Variants in SCTR observed in about 807,000 individuals in gnomAD.
SCTR encodes the protein pancreatic secretin receptor.
In SCTR, 56 loss-of-function variants were observed where a neutral mutation model predicts 60.8. The ratio of observed to expected loss-of-function variants is 0.92; its 90% CI spans 0.74 to 1.15. The LOEUF is 1.15. Ranked by LOEUF, SCTR falls within the 50% of genes most tolerant of loss-of-function variation. The pLI, the probability that SCTR is intolerant of heterozygous loss-of-function variation, is 0.00. For missense variants in SCTR, 562 were observed against 550.4 expected (o/e 1.02, Z -0.21); for synonymous variants, 202 against 217.0 (o/e 0.93, Z 0.61).
intron 2 of SCTR, among the ~76,000 whole-genome samples, chr2:119,489,740 C>T (rs1422271737): frequency 6.6e-6 from 1 of 152,134 alleles, no homozygotes; most frequent in East Asian, 1.9e-4. Flanking sequence ...AAGAAATGGA[C>T]AGGCAGGAAA....
intron 7 of SCTR, among the ~76,000 whole-genome samples, chr2:119,459,178 G>T (rs571038917): frequency 6.6e-6 from 1 of 152,248 alleles, no homozygotes; most frequent in Non-Finnish European, 1.5e-5. Flanking sequence ...CCAAACAATA[G>T]GTATGTGGTT....
intron 1 of SCTR, among the ~76,000 whole-genome samples, chr2:119,514,312 G>T (rs1484582922): frequency 1.3e-5 from 2 of 152,200 alleles, no homozygotes. Flanking sequence ...GAGACAATCT[G>T]CCTTCCTTGG....
intron 7 of SCTR, 147 bp from the exon 8 acceptor site, chr2:119,453,494 G>T: frequency 1.5e-6 from 1 of 673,498 alleles, no homozygotes; most frequent in Non-Finnish European, 2.7e-6. Flanking sequence ...GCCATCTTGT[G>T]CCATCTTGTG....
At chr2:119,491,448 T>C (rs1318905156) in intron 2 of SCTR, among the ~76,000 whole-genome samples, 1 of 152,222 alleles carries the variant, frequency 6.6e-6, no homozygotes, top group African/African-American at 2.4e-5. Context: ...GATTAGACAC[T>C]CAGGCAGACC....
At position 119,506,217 on chromosome 2, in the gene SCTR, C is replaced by A. The variant is rs527854319; in HGVS notation, c.73-11669G>T. On this transcript the variant is annotated intron_variant, in intron 1 of 12. Coordinates refer to ENST00000019103, the MANE Select transcript of SCTR (RefSeq NM_002980.3). Reference sequence around the variant, plus strand: ...AAAACCTGTTCATAAATATTTATAGCAGCTTTATTCATAAAAGCCCCCAAA... The same window carrying A: ...AAAACCTGTTCATAAATATTTATAGAAGCTTTATTCATAAAAGCCCCCAAA... Among the ~76,000 whole-genome samples, 3 of 152,260 alleles carry A rather than the reference C, an allele frequency of 2.0e-5. No homozygotes were observed. The South Asian group carries it at 6.2e-4, about 32-fold the overall frequency.
At chr2:119,520,680 G>A (rs1338918590) in intron 1 of SCTR, among the ~76,000 whole-genome samples, 2 of 152,166 alleles carry the variant, frequency 1.3e-5, no homozygotes, top group Non-Finnish European at 2.9e-5. Context: ...AGGAGGGATG[G>A]AGATAGGAGG....
chr2:119,475,506 C>G (rs1464748326), intron 3 of SCTR, among the ~76,000 whole-genome samples: 2 of 151,852 alleles, frequency 1.3e-5, no homozygotes, highest in African/African-American at 4.8e-5. Flanking sequence ...GCAGCTGCCT[C>G]CCCACTTCCC....
chr2:119,506,699 C>T (rs548918506), intron 1 of SCTR, among the ~76,000 whole-genome samples: 34 of 152,164 alleles, frequency 2.2e-4, no homozygotes, highest in Non-Finnish European at 3.5e-4. Context: ...TGATCTTGAA[C>T]TCTTGGCCTC....
chr2:119,515,490 C>T (rs1009173935), intron 1 of SCTR, among the ~76,000 whole-genome samples: 1 of 152,194 alleles, frequency 6.6e-6, no homozygotes, highest in African/African-American at 2.4e-5. Flanking sequence ...GGAAGATCTG[C>T]TTCAACGTGG....
chr2:119,473,381 TC>T, intron 4 of SCTR, 71 bp downstream of exon 4: 1 of 1,068,542 alleles, frequency 9.4e-7, no homozygotes. Context: ...TCCCAGGGCC[TC>T]CTCTCCCAGG....
intron 2 of SCTR, chr2:119,486,607 C>T (rs1677877781): frequency 6.6e-6 from 1 of 152,198 alleles, no homozygotes; most frequent in South Asian, 2.1e-4. Context: ...GGTTATCAGT[C>T]ATTCACAGCT....
At chr2:119,443,744 A>T (rs1682745253) in intron 11 of SCTR, among the ~76,000 whole-genome samples, 1 of 152,186 alleles carries the variant, frequency 6.6e-6, no homozygotes, top group Admixed American at 6.5e-5. Flanking sequence ...ACAGGCTTTC[A>T]TCATGTTGCC....
At chr2:119,484,440 G>A (rs1677773115) in intron 2 of SCTR, among the ~76,000 whole-genome samples, 1 of 152,150 alleles carries the variant, frequency 6.6e-6, no homozygotes, top group Non-Finnish European at 1.5e-5. Context: ...CGTGGCCCAG[G>A]AGGACAGCAT....
intron 2 of SCTR, among the ~76,000 whole-genome samples, chr2:119,481,684 C>A (rs1677610199): frequency 6.6e-6 from 1 of 152,180 alleles, no homozygotes; most frequent in African/African-American, 2.4e-5. Flanking sequence ...GGTACAGATG[C>A]CTCCCCCACC....
chr2:119,520,738 A>G (rs1460097690), intron 1 of SCTR, among the ~76,000 whole-genome samples: 1 of 152,212 alleles, frequency 6.6e-6, no homozygotes, highest in Non-Finnish European at 1.5e-5. Context: ...AACATTCTCC[A>G]CAGAAGTCCT....
At chr2:119,471,041 G>A (rs755422013) in intron 4 of SCTR, among the ~76,000 whole-genome samples, 5 of 152,182 alleles carry the variant, frequency 3.3e-5, no homozygotes, top group Non-Finnish European at 7.3e-5. Context: ...TACAATGCCA[G>A]CCTAAGGAAG....
chr2:119,516,049 C>T (rs1415562019), intron 1 of SCTR, among the ~76,000 whole-genome samples: 1 of 152,118 alleles, frequency 6.6e-6, no homozygotes, highest in Admixed American at 6.6e-5. Context: ...GTTAGGGGGG[C>T]TAATGTGGGG....
chr2:119,519,505 C>A (rs1210942156), intron 1 of SCTR, among the ~76,000 whole-genome samples: 1 of 152,124 alleles, frequency 6.6e-6, no homozygotes, highest in Non-Finnish European at 1.5e-5. Context: ...TCTTTTGGAG[C>A]AGATGCATGT....
In SCTR at chr2:119,461,921, T is replaced by C; in HGVS notation, c.716A>G (p.Tyr239Cys). The C allele has an allele frequency of 6.2e-7, 1 of 1,613,802 alleles. No homozygotes were observed. Among genetic ancestry groups the C allele is most frequent in the Non-Finnish European group, 8.5e-7 (1 of 1,179,912 alleles). ...GGAGATGGCGAGGAGTGTGTGAAGG[T>C]AGAGGCCTTCCACCAGCAGCCAGGA... ...NYSWLLVEGLYLHTLLAISFF... is the reference protein window; with the variant it reads ...NYSWLLVEGLCLHTLLAISFF... Residue 239 changes from tyrosine to cysteine, a missense_variant, in exon 7 of 13, where the codon TAC (tyrosine) becomes TGC (cysteine). Transcript: ENST00000019103.
Sources: gnomAD v4.1 joint callset for allele counts (sites outside exome capture counted in the v4.1 genomes callset) on GRCh38, gnomAD v4.1.1 for gene constraint, MANE v1.5 for transcripts, NCBI Gene and HGNC (gene_info 2026-07-23, HGNC 2026-07-21) for gene names.